ENOSF1: variants seen among roughly 807,000 people sequenced by gnomAD.
The protein encoded by ENOSF1 is enolase superfamily member 1.
Under a neutral mutation model 68.2 loss-of-function variants are expected in ENOSF1, and 73 were observed. The observed-to-expected ratio is 1.07, with a 90% CI of 0.89 to 1.30. The LOEUF (loss-of-function observed/expected upper bound fraction) is 1.30. Among genes scored for constraint, ENOSF1 ranks in the 50% most tolerant of loss-of-function variants. The pLI, the probability that ENOSF1 is intolerant of heterozygous loss-of-function variation, is 0.00. For missense variants in ENOSF1, 589 were observed against 554.5 expected, an observed-to-expected ratio of 1.06 and a Z score of -0.62; for synonymous variants, 223 against 210.4, an observed-to-expected ratio of 1.06 and a Z score of -0.52.
chr18:694,229 C>T lies in ENOSF1; in HGVS notation c.396+19G>A, dbSNP rs746565550. 13 of 1,612,292 alleles carry T rather than the reference C, an allele frequency of 8.1e-6. No homozygotes were observed. In the East Asian group the frequency reaches 2.5e-4, roughly 30 times the overall value. ...GTACAGCTCCCAGGAGCCTCCTGAG[C>T]GTTTGTGAGAGGGGTTACCTTTCCC... On this transcript the variant is annotated intron_variant, in intron 4 of 15. Coordinates refer to ENST00000647584, the MANE Select transcript of ENOSF1 (RefSeq NM_017512.7).
At chr18:702,487 A>C (rs1356081668) in intron 2 of ENOSF1, among the ~76,000 whole-genome samples, 1 of 151,972 alleles carries the variant, frequency 6.6e-6, no homozygotes, top group Non-Finnish European at 1.5e-5. Context: ...AGGCAGGAGA[A>C]TCGTTTGAAC....
At chr18:697,477 G>GCC in intron 2 of ENOSF1, 122 bp from the exon 3 acceptor site, 1 of 758,274 alleles carries the variant, frequency 1.3e-6, no homozygotes, top group South Asian at 1.7e-5. Context: ...TAGGCCAGGC[G>GCC]CGGTGGCTCA....
Position 672,922 on chromosome 18 carries a change from T to C in ENOSF1, c.*1383A>G. ...TTCTTCGAAAAGTTGAGAAAATTGA[T>C]GACTTCAAAGCTGAAGACTTTCAGA... On this transcript the variant is annotated 3_prime_UTR_variant, in exon 16 of 16. Coordinates refer to ENST00000647584, the MANE Select transcript of ENOSF1 (RefSeq NM_017512.7). The C allele has an allele frequency of 2.5e-6, 4 of 1,598,926 alleles. No homozygotes were observed. Among genetic ancestry groups the C allele is most frequent in the East Asian group, 2.2e-5 (1 of 44,592 alleles).
At chr18:703,810 G>A (rs2078632587) in intron 2 of ENOSF1, among the ~76,000 whole-genome samples, 1 of 152,142 alleles carries the variant, frequency 6.6e-6, no homozygotes, top group Admixed American at 6.5e-5. Context: ...GGGCCTGGTG[G>A]GAGGTGATTA....
chr18:694,024 C>A, intron 4 of ENOSF1, 116 bp from the exon 5 acceptor site: 2 of 1,201,306 alleles, frequency 1.7e-6, no homozygotes, highest in South Asian at 1.4e-5. Context: ...TCCCCACACC[C>A]CCCTCTACTG....
At chr18:691,369 A>G in intron 5 of ENOSF1, 93 bp from the exon 6 acceptor site, 2 of 1,048,694 alleles carry the variant, frequency 1.9e-6, no homozygotes, top group Non-Finnish European at 2.8e-6. Flanking sequence ...TTTTAGAGAC[A>G]AGGTCTCACT....
At chr18:694,417 G>C in intron 3 of ENOSF1, 83 bp from the exon 4 acceptor site, 3 of 1,298,694 alleles carry the variant, frequency 2.3e-6, no homozygotes, top group African/African-American at 1.5e-5. Context: ...GTAAACCCAG[G>C]ACTTTGGGAC....
intron 1 of ENOSF1, 195 bp from the exon 2 acceptor site, chr18:706,773 C>A: frequency 2.7e-6 from 1 of 376,002 alleles, no homozygotes. Flanking sequence ...CCTGAAAGAT[C>A]CAAAATGTTT....
intron 7 of ENOSF1, 161 bp from the exon 8 acceptor site, chr18:690,792 G>A: frequency 6.7e-7 from 1 of 1,486,294 alleles, no homozygotes; most frequent in Non-Finnish European, 8.9e-7. Flanking sequence ...TCAAACCCAG[G>A]TGATCAGGAT....
chr18:711,607 AG>A (rs2079553485), intron 1 of ENOSF1, among the ~76,000 whole-genome samples: 1 of 152,200 alleles, frequency 6.6e-6, no homozygotes, highest in African/African-American at 2.4e-5. Flanking sequence ...AACCCTGCAC[AG>A]AACCCACTGT....
intron 1 of ENOSF1, among the ~76,000 whole-genome samples, chr18:708,808 G>C (rs537385549): frequency 6.6e-6 from 1 of 152,258 alleles, no homozygotes; most frequent in Admixed American, 6.5e-5. Flanking sequence ...AGAGACTGGA[G>C]TGTATTCAAG....
chr18:680,007 G>A (rs578081205), intron 11 of ENOSF1, among the ~76,000 whole-genome samples: 87 of 152,340 alleles, frequency 5.7e-4, no homozygotes, highest in Non-Finnish European at 1.2e-3. Flanking sequence ...TGATAAAACT[G>A]TGTGCCGGGT....
At chr18:699,426 TGA>T (rs1456772111) in intron 2 of ENOSF1, among the ~76,000 whole-genome samples, 1 of 151,866 alleles carries the variant, frequency 6.6e-6, no homozygotes, top group Non-Finnish European at 1.5e-5. Flanking sequence ...TGCAGTGAGC[TGA>T]GATTGTGCCA....
chr18:664,176 A>G, the ENOSF1 span, among the ~76,000 whole-genome samples: 1 of 151,872 alleles, frequency 6.6e-6, no homozygotes, highest in Admixed American at 6.6e-5. Context: ...ATTTCTTTGT[A>G]TCCTCTTTTA....
At chr18:700,873 A>T (rs1238371743) in intron 2 of ENOSF1, among the ~76,000 whole-genome samples, 1 of 142,376 alleles carries the variant, frequency 7.0e-6, no homozygotes, top group African/African-American at 2.7e-5. Context: ...CTGGGCGACA[A>T]GAGCGAAACT....
Position 706,412 on chromosome 18 carries a change from A to G in ENOSF1, c.193+58T>C. On this transcript the variant is annotated intron_variant, in intron 2 of 15. Transcript: ENST00000647584. ...GATTCTAATGAATCTAAGAATCTAAATTAGAATCTCATCTGAAAATTAAGC... is the reference window on the plus strand; with the variant it reads ...GATTCTAATGAATCTAAGAATCTAAGTTAGAATCTCATCTGAAAATTAAGC... 3.6e-6 allele frequency: 4 copies of G among 1,118,810 alleles called. No homozygotes were observed. The South Asian group carries it at 5.0e-5, about 14-fold the overall frequency. The allele number at this position is 1,118,810 out of a possible 1,614,324, so 69.3% of individuals were successfully genotyped here.
Position 700,534 on chromosome 18 carries a change from A to G in ENOSF1, c.194-3179T>C, listed in dbSNP as rs189381527. ...AAGCAGCACTTATGTATTCATCTAC[A>G]GTGTATGGATTTTTCTTGCTCAACA... On this transcript the variant is annotated intron_variant, in intron 2 of 15. Transcript: ENST00000647584. Among the ~76,000 whole-genome samples, 13 of 152,312 alleles carry G rather than the reference A, an allele frequency of 8.5e-5. No individual in the cohort carries two copies. The East Asian group carries it at 2.3e-3, about 27-fold the overall frequency.
rs1331674152 is a variant in ENOSF1, at chr18:678,045, G to A, written c.919-173C>T. 5 of 681,696 alleles carry A rather than the reference G, an allele frequency of 7.3e-6. No individual in the cohort carries two copies. The South Asian group carries it at 8.1e-5, about 11-fold the overall frequency. The allele number at this position is 681,696 out of a possible 1,614,324, so 42.2% of individuals were successfully genotyped here. On this transcript the variant is annotated intron_variant, in intron 12 of 15. Transcript: ENST00000647584. ...TGGGCATGAGGCGAGCTTTTATAGCGTGGGCAGGGACCTTGTGCTCACTTC... is the reference window on the plus strand; with the variant it reads ...TGGGCATGAGGCGAGCTTTTATAGCATGGGCAGGGACCTTGTGCTCACTTC...
At chr18:666,169 A>G (rs1337961956), downstream of ENOSF1, among the ~76,000 whole-genome samples, 4 of 149,236 alleles carry the variant, frequency 2.7e-5, no homozygotes, top group South Asian at 4.3e-4. Context: ...TGTAGGTCAG[A>G]TGATTGGCAC....
Sources: allele counts gnomAD v4.1 joint callset (sites outside exome capture counted in the v4.1 genomes callset), GRCh38; gene constraint gnomAD v4.1.1; transcripts MANE v1.5; gene names NCBI Gene and HGNC (gene_info 2026-07-23, HGNC 2026-07-21).